The following ATRNL1 variants were observed in gnomAD, a reference collection of about 807,000 sequenced individuals.
ATRNL1 encodes the protein attractin-like protein 1.
A neutral mutation model predicts 182.7 loss-of-function variants in ATRNL1; 95 were observed. That is an observed-to-expected ratio of 0.52 (90% CI 0.44 to 0.62). ATRNL1 has a LOEUF of 0.62. ATRNL1 is among the 20% of genes least tolerant of loss of function. The pLI is 0.00. For synonymous variants in ATRNL1, 576 were observed against 568.3 expected (o/e 1.01, Z -0.19); for missense variants, 1,471 against 1,679.5 (o/e 0.88, Z 2.17).
intron 26 of ATRNL1, among the ~76,000 whole-genome samples, chr10:115,571,503 T>G (rs1854392986): frequency 6.6e-6 from 1 of 152,198 alleles, no homozygotes; most frequent in Non-Finnish European, 1.5e-5. Flanking sequence ...TTCTGTTGAA[T>G]TACCCATCCA....
At chr10:115,390,502 T>A (rs538380738) in intron 19 of ATRNL1, among the ~76,000 whole-genome samples, 94 of 152,278 alleles carry the variant, frequency 6.2e-4, no homozygotes, top group African/African-American at 2.2e-3. Context: ...AGTGCTTGAG[T>A]TTATTGCTGG....
At chr10:115,675,932 T>C (rs1337700368) in intron 26 of ATRNL1, among the ~76,000 whole-genome samples, 2 of 152,112 alleles carry the variant, frequency 1.3e-5, no homozygotes, top group Non-Finnish European at 2.9e-5. Context: ...CCAGGCCGTC[T>C]GTCTCCAGAG....
In ATRNL1 at chr10:115,300,192, A is replaced by C; in HGVS notation, c.2574A>C (p.Leu858Phe). The change falls in exon 16 of 29, where the codon TTA (leucine) becomes TTC (phenylalanine). Residue 858 changes from leucine (L) to phenylalanine (F), a missense_variant. Around this residue, in one of 3 missense-constraint regions of ATRNL1, gnomAD observed 1,031 missense variants for 1,156.0 expected, o/e 0.89. Transcript: ENST00000355044. ...AYLERAAVAG[L>F]KANPCTSMAN... Reference sequence around the variant, plus strand: ...TGGAAAGGGCTGCAGTGGCAGGCTTAAAAGCTAATCCTTGTACATCTATGG... The same window carrying C: ...TGGAAAGGGCTGCAGTGGCAGGCTTCAAAGCTAATCCTTGTACATCTATGG... 1.2e-6 allele frequency: 2 copies of C among 1,614,106 alleles called. No individual in the cohort carries two copies. The highest frequency in any genetic ancestry group is 1.7e-6 in the Non-Finnish European group (2 of 1,179,962).
At chr10:115,244,497 T>C (rs1185727314) in intron 10 of ATRNL1, among the ~76,000 whole-genome samples, 1 of 152,146 alleles carries the variant, frequency 6.6e-6, no homozygotes, top group Non-Finnish European at 1.5e-5. Context: ...ACTGGGCATC[T>C]ATGTTTTTTA....
In ATRNL1 at chr10:115,701,162, C is replaced by G. The variant is rs146468921; in HGVS notation, c.3796-26086C>G. ...TCAATACCAATAAGATCTCTCAAAA[C>G]CACACAATTACATGGAAATTTAAAA... On this transcript the variant is annotated intron_variant, in intron 26 of 28. Coordinates refer to ENST00000355044, the MANE Select transcript of ATRNL1 (RefSeq NM_207303.4). Among the ~76,000 whole-genome samples the G allele has an allele frequency of 8.4e-3, 1,274 of 152,026 alleles. 17 individuals carry two copies. Among genetic ancestry groups the G allele is most frequent in the Non-Finnish European group, 0.013 (850 of 67,906 alleles).
At chr10:115,402,137 A>G (rs1454035499) in intron 20 of ATRNL1, among the ~76,000 whole-genome samples, 2 of 152,180 alleles carry the variant, frequency 1.3e-5, no homozygotes, top group African/African-American at 2.4e-5. Flanking sequence ...TTTTCAATTT[A>G]CATGATAGTT....
chr10:115,558,358 A>G (rs1341229797), intron 26 of ATRNL1, among the ~76,000 whole-genome samples: 1 of 152,072 alleles, frequency 6.6e-6, no homozygotes, highest in Non-Finnish European at 1.5e-5. Flanking sequence ...ACCCAATTTG[A>G]GGTTCTTATT....
At chr10:115,263,768 T>A (rs1851490049) in intron 10 of ATRNL1, among the ~76,000 whole-genome samples, 1 of 151,790 alleles carries the variant, frequency 6.6e-6, no homozygotes, top group Non-Finnish European at 1.5e-5. Context: ...TCTTAATCTT[T>A]ATCATAGGCC....
chr10:115,537,844 A>G (rs916032233), intron 25 of ATRNL1, among the ~76,000 whole-genome samples: 2 of 152,136 alleles, frequency 1.3e-5, no homozygotes, highest in African/African-American at 4.8e-5. Flanking sequence ...AACAATGCCA[A>G]AGCCCCAGTG....
intron 19 of ATRNL1, among the ~76,000 whole-genome samples, chr10:115,348,266 C>A (rs1856068312): frequency 6.6e-6 from 1 of 152,170 alleles, no homozygotes; most frequent in South Asian, 2.1e-4. Context: ...AGGCACCGCG[C>A]CTGGCCTATT....
intron 8 of ATRNL1, among the ~76,000 whole-genome samples, chr10:115,174,251 T>A (rs1175061818): frequency 3.3e-5 from 5 of 151,866 alleles, no homozygotes; most frequent in Admixed American, 3.3e-4. Context: ...TTCTTTTCCT[T>A]TCACTTCATC....
chr10:115,171,276 A>G lies in ATRNL1; in HGVS notation c.1332A>G (p.Ile444Met). 6.3e-7 allele frequency: 1 copy of G among 1,593,838 alleles called. No homozygotes were observed. Among genetic ancestry groups the G allele is most frequent in the Non-Finnish European group, 8.6e-7 (1 of 1,166,584 alleles). ...CAATATATGGTTATACAAGCAGCAT[A>G]CAGGAATACCATATCTGTGAGTTAC... The part of the protein sequence containing the change: ...YSAIYGYTSS[I>M]QEYHISSNTW... Residue 444 changes from isoleucine (I) to methionine (M), a missense_variant, in exon 8 of 29, where the codon ATA becomes ATG. Around this residue, in one of 3 missense-constraint regions of ATRNL1, gnomAD observed 1,031 missense variants for 1,156.0 expected, o/e 0.89. Coordinates refer to ENST00000355044, the MANE Select transcript of ATRNL1 (RefSeq NM_207303.4).
At chr10:115,274,276 G>C (rs566397603) in intron 13 of ATRNL1, among the ~76,000 whole-genome samples, 1 of 152,104 alleles carries the variant, frequency 6.6e-6, no homozygotes, top group African/African-American at 2.4e-5. Flanking sequence ...CTTGGAATTC[G>C]CAGCTTTTTA....
At chr10:115,390,373 G>T (rs1843957098) in intron 19 of ATRNL1, among the ~76,000 whole-genome samples, 1 of 152,014 alleles carries the variant, frequency 6.6e-6, no homozygotes. Context: ...TATTGAATAA[G>T]GTTCTAATCT....
intron 27 of ATRNL1, among the ~76,000 whole-genome samples, chr10:115,822,197 T>C (rs1950317711): frequency 6.6e-6 from 1 of 152,032 alleles, no homozygotes; most frequent in African/African-American, 2.4e-5. Context: ...AATAACAAAA[T>C]GAAGGCAGAA....
intron 9 of ATRNL1, among the ~76,000 whole-genome samples, chr10:115,225,974 A>T (rs1849678318): frequency 6.6e-6 from 1 of 151,192 alleles, no homozygotes; most frequent in Non-Finnish European, 1.5e-5. Context: ...AAGCTGGAGG[A>T]CTTTTCTATC....
intron 28 of ATRNL1, among the ~76,000 whole-genome samples, chr10:115,939,823 G>A (rs772633415): frequency 2.0e-5 from 3 of 152,202 alleles, no homozygotes; most frequent in East Asian, 1.9e-4. Flanking sequence ...CAAGAAGTGC[G>A]GGATCATCCC....
At chr10:115,310,032 C>G (rs1554927367) in intron 17 of ATRNL1, among the ~76,000 whole-genome samples, 1 of 151,994 alleles carries the variant, frequency 6.6e-6, no homozygotes, top group Non-Finnish European at 1.5e-5. Flanking sequence ...TCCTTCTCTG[C>G]CTAGTTTGTT....
intron 19 of ATRNL1, among the ~76,000 whole-genome samples, chr10:115,352,450 A>G (rs1326492503): frequency 2.0e-5 from 3 of 152,062 alleles, no homozygotes; most frequent in Admixed American, 1.3e-4. Flanking sequence ...GTGGTGTCCC[A>G]TAGGTTTTGG....
Sources: gnomAD v4.1 joint callset for allele counts (sites outside exome capture counted in the v4.1 genomes callset) on GRCh38, gnomAD v4.1.1 for gene constraint, gnomAD v4.1.1 regional missense constraint, MANE v1.5 for transcripts, NCBI Gene and HGNC (gene_info 2026-07-23, HGNC 2026-07-21) for gene names.